NCKAP5: variants seen among roughly 807,000 people sequenced by gnomAD.
NCKAP5 encodes the protein NCK associated protein 5, also known as nck-associated protein 5.
In NCKAP5, 92 loss-of-function variants were observed where a neutral mutation model predicts 167.0. That is an observed-to-expected ratio of 0.55 (90% confidence interval 0.47 to 0.66). The LOEUF is 0.66. Among genes scored for constraint, NCKAP5 ranks in the 30% least tolerant of loss-of-function variants. The pLI is 0.00. For missense variants in NCKAP5, 2,378 were observed against 2,315.0 expected, an observed-to-expected ratio of 1.03 and a Z score of -0.56; for synonymous variants, 891 against 877.4, an observed-to-expected ratio of 1.02 and a Z score of -0.27.
intron 4 of NCKAP5, among the ~76,000 whole-genome samples, chr2:133,260,398 A>C (rs768327521): frequency 3.3e-5 from 5 of 152,238 alleles, no homozygotes; most frequent in Non-Finnish European, 4.4e-5. Flanking sequence ...ACACTGGAAC[A>C]CAGTGAAGGG....
chr2:133,470,500 A>G (rs1679121563), intron 3 of NCKAP5, among the ~76,000 whole-genome samples: 1 of 152,214 alleles, frequency 6.6e-6, no homozygotes, highest in Non-Finnish European at 1.5e-5. Flanking sequence ...TGGAGCCTAC[A>G]GAGGCAGGCA....
chr2:133,556,668 T>C (rs1687761848), intron 2 of NCKAP5: 1 of 152,236 alleles, frequency 6.6e-6, no homozygotes, highest in Non-Finnish European at 1.5e-5. Flanking sequence ...CAAGAATCTT[T>C]CTTTTTTATT....
intron 2 of NCKAP5, among the ~76,000 whole-genome samples, chr2:133,524,468 A>G (rs1684710385): frequency 6.6e-6 from 1 of 152,196 alleles, no homozygotes; most frequent in African/African-American, 2.4e-5. Flanking sequence ...TAAAGGTAGA[A>G]ATATTAAATC....
At chr2:133,512,404 C>T (rs1472427787) in intron 3 of NCKAP5, among the ~76,000 whole-genome samples, 1 of 152,192 alleles carries the variant, frequency 6.6e-6, no homozygotes, top group Non-Finnish European at 1.5e-5. Context: ...TCAAAATTCC[C>T]ATTGCTCTAA....
chr2:133,533,300 C>G (rs1446696607), intron 2 of NCKAP5, among the ~76,000 whole-genome samples: 4 of 152,202 alleles, frequency 2.6e-5, no homozygotes, highest in Non-Finnish European at 5.9e-5. Flanking sequence ...CCAAACTCTT[C>G]AGTTTTTCGA....
At position 132,691,245 on chromosome 2, in the gene NCKAP5, T is replaced by C. The variant is rs529949302; in HGVS notation, c.5714-17940A>G. Among the ~76,000 whole-genome samples the C allele has an allele frequency of 3.9e-5, 6 of 152,304 alleles. No individual in the cohort carries two copies. The East Asian group carries it at 5.8e-4, about 15-fold the overall frequency. On this transcript the variant is annotated intron_variant, in intron 19 of 19. Coordinates refer to ENST00000409261, the MANE Select transcript of NCKAP5 (RefSeq NM_207363.3). ...CTGTGCTTCCACTCTCTCCTCCTGATAGCCTGTTCTTCATACAAAAGCCAA... is the reference window on the plus strand; with the variant it reads ...CTGTGCTTCCACTCTCTCCTCCTGACAGCCTGTTCTTCATACAAAAGCCAA...
intron 5 of NCKAP5, among the ~76,000 whole-genome samples, chr2:133,210,642 C>A (rs1490808477): frequency 6.6e-6 from 1 of 151,920 alleles, no homozygotes; most frequent in Non-Finnish European, 1.5e-5. Context: ...CTGAAAGAAT[C>A]AGGACTTCAG....
At chr2:133,187,472 T>A (rs1415891971) in intron 5 of NCKAP5, among the ~76,000 whole-genome samples, 3 of 152,076 alleles carry the variant, frequency 2.0e-5, no homozygotes, top group Non-Finnish European at 4.4e-5. Context: ...GGAAGATCCC[T>A]TGAACCCAGG....
At chr2:133,468,646 A>C (rs1692793422) in intron 3 of NCKAP5, among the ~76,000 whole-genome samples, 1 of 152,106 alleles carries the variant, frequency 6.6e-6, no homozygotes, top group South Asian at 2.1e-4. Context: ...TGGGAATCTA[A>C]GTCTCTTTGT....
intron 3 of NCKAP5, among the ~76,000 whole-genome samples, chr2:133,489,204 G>A (rs563989441): frequency 6.6e-6 from 1 of 152,320 alleles, no homozygotes; most frequent in East Asian, 1.9e-4. Context: ...TGAGAAATTA[G>A]TTAACAAAAA....
At chr2:132,933,307 C>A (rs1696584149) in intron 8 of NCKAP5, among the ~76,000 whole-genome samples, 1 of 152,132 alleles carries the variant, frequency 6.6e-6, no homozygotes, top group South Asian at 2.1e-4. Context: ...ATATATGGTA[C>A]CTCTCTGTCT....
At chr2:133,001,711 C>T (rs2077788839) in intron 6 of NCKAP5, among the ~76,000 whole-genome samples, 1 of 152,118 alleles carries the variant, frequency 6.6e-6, no homozygotes, top group Admixed American at 6.5e-5. Flanking sequence ...GGCTGGGTAT[C>T]AACATTTTCT....
intron 11 of NCKAP5, among the ~76,000 whole-genome samples, chr2:132,828,218 C>A (rs879570601): frequency 6.6e-6 from 1 of 152,136 alleles, no homozygotes; most frequent in Non-Finnish European, 1.5e-5. Context: ...ATGGTCCAAT[C>A]TGTGCTATTT....
chr2:133,325,483 T>C (rs1428010095), intron 3 of NCKAP5, among the ~76,000 whole-genome samples: 1 of 152,234 alleles, frequency 6.6e-6, no homozygotes. Context: ...CAACTCATTT[T>C]AATTATTTCA....
intron 4 of NCKAP5, among the ~76,000 whole-genome samples, chr2:133,299,039 A>AAAAT (rs370598080): frequency 0.024 from 3,590 of 151,662 alleles, 133 homozygotes; most frequent in African/African-American, 0.077. Flanking sequence ...TAAAAAAATA[A>AAAAT]AAATAAATAA....
intron 3 of NCKAP5, among the ~76,000 whole-genome samples, chr2:133,418,382 G>A (rs960892912): frequency 3.9e-5 from 6 of 152,134 alleles, no homozygotes; most frequent in Admixed American, 1.3e-4. Context: ...ATGGCTTGGA[G>A]GAACAAATTA....
chr2:132,944,271 C>A (rs984947949), intron 8 of NCKAP5, among the ~76,000 whole-genome samples: 10 of 152,070 alleles, frequency 6.6e-5, no homozygotes, highest in African/African-American at 2.4e-4. Flanking sequence ...ATCTAGCACT[C>A]ATGGATAGAA....
intron 19 of NCKAP5, among the ~76,000 whole-genome samples, chr2:132,682,368 A>G (rs1685341616): frequency 6.6e-6 from 1 of 152,172 alleles, no homozygotes; most frequent in African/African-American, 2.4e-5. Context: ...CCAGATTGTA[A>G]TGAATACTTA....
the NCKAP5 span, among the ~76,000 whole-genome samples, chr2:133,604,250 G>A: frequency 6.6e-6 from 1 of 152,054 alleles, no homozygotes; most frequent in Non-Finnish European, 1.5e-5. Context: ...CTGTCGCCCA[G>A]GCTGGTGTAC....
Sources: allele counts gnomAD v4.1 joint callset (sites outside exome capture counted in the v4.1 genomes callset), GRCh38; gene constraint gnomAD v4.1.1; transcripts MANE v1.5; gene names NCBI Gene and HGNC (gene_info 2026-07-23, HGNC 2026-07-21).